Variants in RNF20 observed in about 807,000 individuals in gnomAD.
The protein encoded by RNF20 is E3 ubiquitin-protein ligase BRE1A.
A neutral mutation model predicts 126.2 loss-of-function variants in RNF20; 84 were observed. The ratio of observed to expected loss-of-function variants is 0.67; its 90% confidence interval spans 0.56 to 0.80. The LOEUF is 0.80. Ranked by LOEUF, RNF20 falls within the 30% of genes least tolerant of loss-of-function variation. The pLI is 0.00. For missense variants in RNF20, 869 were observed against 1,188.2 expected, an observed-to-expected ratio of 0.73 and a Z score of 3.95; for synonymous variants, 400 against 414.3, an observed-to-expected ratio of 0.97 and a Z score of 0.42.
chr9:101,550,267 G>A (rs991611683), intron 9 of RNF20, among the ~76,000 whole-genome samples: 1 of 152,266 alleles, frequency 6.6e-6, no homozygotes, highest in East Asian at 1.9e-4. Flanking sequence ...TGTTATTAAA[G>A]AGAACAAGTT....
intron 1 of RNF20, chr9:101,534,185 C>G (rs1165053877): frequency 1.3e-5 from 2 of 151,986 alleles, no homozygotes; most frequent in African/African-American, 2.4e-5. Context: ...TAGTCCTCTC[C>G]TGGAGCTTGA....
chr9:101,558,727 C>T (rs976875586), intron 16 of RNF20, among the ~76,000 whole-genome samples: 6 of 152,056 alleles, frequency 3.9e-5, no homozygotes, highest in Admixed American at 3.3e-4. Flanking sequence ...ATATTCATGT[C>T]CTTAGCCCAC....
chr9:101,562,949 A>C lies in RNF20; in HGVS notation c.*527A>C, dbSNP rs1335037658. Reference sequence around the variant, plus strand: ...TCTCCCCTGGGTGGTTTGCAGCCCTAATGAAATTATGTCTAGGATGATTCA... The same window carrying C: ...TCTCCCCTGGGTGGTTTGCAGCCCTCATGAAATTATGTCTAGGATGATTCA... On this transcript the variant is annotated 3_prime_UTR_variant, in exon 20 of 20. Transcript: ENST00000389120. 6.6e-6 allele frequency: 1 copy of C among 152,346 alleles called. No individual in the cohort carries two copies. Among genetic ancestry groups the C allele is most frequent in the African/African-American group, 2.4e-5 (1 of 41,438 alleles). 9.4% of individuals were successfully genotyped at this position (152,346 alleles called of 1,614,324 possible).
intron 15 of RNF20, among the ~76,000 whole-genome samples, chr9:101,555,861 A>C (rs2118729782): frequency 6.6e-6 from 1 of 151,606 alleles, no homozygotes; most frequent in African/African-American, 2.4e-5. Flanking sequence ...TGGGAGGCTG[A>C]GGCAGGAGAA....
At chr9:101,554,155 G>T in intron 14 of RNF20, 50 bp downstream of exon 14, 2 of 1,059,960 alleles carry the variant, frequency 1.9e-6, no homozygotes, top group Non-Finnish European at 1.4e-6. Context: ...CTTCATTTGT[G>T]GGATTTTCCT....
At chr9:101,544,182 C>T (rs376861648) in intron 5 of RNF20, among the ~76,000 whole-genome samples, 137 of 152,312 alleles carry the variant, frequency 9.0e-4, no homozygotes, top group African/African-American at 3.1e-3. Context: ...TACCTACCTG[C>T]TTTGTAAATA....
chr9:101,554,054 A>T lies in RNF20; in HGVS notation c.1968A>T (p.Glu656Asp), dbSNP rs746479522. The change falls in exon 14 of 20, where the codon GAA (glutamate) becomes GAT (aspartate). Residue 656 changes from glutamate to aspartate, a missense_variant. Around this residue, in one of 8 missense-constraint regions of RNF20, gnomAD observed 231 missense variants for 263.6 expected, o/e 0.88. Transcript: ENST00000389120. ...ATATGTACCGTTCTGCCCCAAAGGA[A>T]CAGAGAGACAAAGTTCAGCTGATGG... Reference protein sequence around the residue: ...LLDMYRSAPKEQRDKVQLMAA... With the variant: ...LLDMYRSAPKDQRDKVQLMAA... 2 of 1,613,722 alleles carry T rather than the reference A, an allele frequency of 1.2e-6. No homozygotes were observed. The highest frequency in any genetic ancestry group is 2.2e-5 in the South Asian group (2 of 91,060).
At position 101,546,978 on chromosome 9, in the gene RNF20, T is replaced by C; in HGVS notation, c.894+12T>C. Reference sequence around the variant, plus strand: ...AAGTCCTAGAACGGGTCAGTGCTGTTTTATGGCTTGGAGACTAGAATCATT... The same window carrying C: ...AAGTCCTAGAACGGGTCAGTGCTGTCTTATGGCTTGGAGACTAGAATCATT... On this transcript the variant is annotated intron_variant, in intron 7 of 19. Coordinates refer to ENST00000389120, the MANE Select transcript of RNF20 (RefSeq NM_019592.7). The C allele has an allele frequency of 6.2e-7, 1 of 1,613,884 alleles. No individual in the cohort carries two copies. The highest frequency in any genetic ancestry group is 1.1e-5 in the South Asian group (1 of 91,068).
At position 101,562,281 on chromosome 9, in the gene RNF20, A is replaced by G. The variant is rs1338242380; in HGVS notation, c.2787A>G (p.Lys929=). ...CCTGTCCGTGCTGTAACATGCGTAA[A>G]AAGGATGCTGTTCTTACTAAGTGTT... ...RLTCPCCNMR[K]KDAVLTKCFH... The change falls in exon 20 of 20, where the codon AAA becomes AAG. Residue 929 remains lysine (K), a synonymous_variant. Transcript: ENST00000389120. 3 of 1,613,874 alleles carry G rather than the reference A, an allele frequency of 1.9e-6. No individual in the cohort carries two copies. The highest frequency in any genetic ancestry group is 3.3e-5 in the Admixed American group (2 of 59,976).
chr9:101,550,863 T>TCCC, intron 10 of RNF20, 78 bp downstream of exon 10: 1 of 1,233,924 alleles, frequency 8.1e-7, no homozygotes, highest in Non-Finnish European at 1.2e-6. Context: ...TCATGTGCAA[T>TCCC]TAATCTCTCA....
intron 10 of RNF20, 22 bp from the exon 11 acceptor site, chr9:101,551,662 T>C: frequency 6.5e-7 from 1 of 1,547,724 alleles, no homozygotes; most frequent in Non-Finnish European, 8.7e-7. Context: ...ATTTTTTTAT[T>C]GGTTCCTTTA....
At chr9:101,547,360 G>A in intron 8 of RNF20, 39 bp from the exon 9 acceptor site, 2 of 1,611,978 alleles carry the variant, frequency 1.2e-6, no homozygotes, top group Non-Finnish European at 1.7e-6. Flanking sequence ...GATTTAAGAA[G>A]AATACTTATT....
In RNF20 at chr9:101,547,162, A is replaced by G; in HGVS notation, c.920A>G (p.Tyr307Cys). The change falls in exon 8 of 20, where the codon TAT becomes TGT. Residue 307 changes from tyrosine (Y) to cysteine (C), a missense_variant. By Grantham distance (194) the Tyr-to-Cys change is radical. This residue lies in a region of RNF20 where 153 missense variants were observed against 226.4 expected (regional missense o/e 0.68). Coordinates refer to ENST00000389120, the MANE Select transcript of RNF20 (RefSeq NM_019592.7). Reference protein sequence around the residue: ...ERVNSKGYKVYGAGSSLYGGT... With the variant: ...ERVNSKGYKVCGAGSSLYGGT... ...GTGAATTCCAAAGGTTATAAGGTGT[A>G]TGGAGCGGGGAGCAGTCTGTATGGC... 1 of 1,614,126 alleles carries G rather than the reference A, an allele frequency of 6.2e-7. No individual in the cohort carries two copies. Among genetic ancestry groups the G allele is most frequent in the Non-Finnish European group, 8.5e-7 (1 of 1,179,996 alleles).
At chr9:101,544,914 T>C (rs765784414) in intron 6 of RNF20, 29 bp downstream of exon 6, 1 of 1,351,550 alleles carries the variant, frequency 7.4e-7, no homozygotes, top group Non-Finnish European at 1.1e-6. Flanking sequence ...GAGATGGCTG[T>C]GTCTAGTGGG....
rs750088528 is a variant in RNF20, at chr9:101,552,233, T to C, written c.1501T>C (p.Leu501=). ...GGAGGTCCTGAGATATAAGCGGAAA[T>C]TGAGAGAAGCCCAGTCTGACCTGAA... ...KGEVLRYKRK[L]REAQSDLNKT... The change falls in exon 12 of 20, where the codon TTG becomes CTG. Residue 501 remains leucine (L), a synonymous_variant. Coordinates refer to ENST00000389120, the MANE Select transcript of RNF20 (RefSeq NM_019592.7). 7 of 1,614,064 alleles carry C rather than the reference T, an allele frequency of 4.3e-6. No individual in the cohort carries two copies. Among genetic ancestry groups the C allele is most frequent in the Non-Finnish European group, 5.9e-6 (7 of 1,179,984 alleles).
intron 1 of RNF20, 183 bp downstream of exon 1, chr9:101,534,097 G>C (rs370041782): frequency 9.1e-4 from 138 of 152,426 alleles, no homozygotes; most frequent in African/African-American, 3.1e-3. Flanking sequence ...TTGGCTTTTA[G>C]CGAGTTGGAT....
chr9:101,543,078 A>G (rs939309012), intron 5 of RNF20, among the ~76,000 whole-genome samples: 5 of 152,240 alleles, frequency 3.3e-5, no homozygotes, highest in African/African-American at 1.2e-4. Flanking sequence ...CCATTCCTCA[A>G]TAACACTATA....
At chr9:101,561,251 T>C (rs774517936) in intron 18 of RNF20, 21 bp downstream of exon 18, 1 of 1,612,198 alleles carries the variant, frequency 6.2e-7, no homozygotes, top group South Asian at 1.1e-5. Context: ...TTGTCTTTTC[T>C]TGTCACCTTT....
chr9:101,536,244 A>G (rs1004590334), intron 2 of RNF20, among the ~76,000 whole-genome samples: 3 of 152,330 alleles, frequency 2.0e-5, no homozygotes, highest in Non-Finnish European at 2.9e-5. Flanking sequence ...GTAATGTTAT[A>G]TATCTGTTAG....
Sources: allele counts gnomAD v4.1 joint callset (sites outside exome capture counted in the v4.1 genomes callset), GRCh38; gene constraint gnomAD v4.1.1; regional missense constraint gnomAD v4.1.1; transcripts MANE v1.5; gene names NCBI Gene and HGNC (gene_info 2026-07-23, HGNC 2026-07-21).